The following MCUR1 variants were observed in gnomAD, a reference collection of about 807,000 sequenced individuals.
MCUR1 encodes mitochondrial calcium uniporter regulator 1, also known as MCU regulator 1.
Under a neutral mutation model 42.0 loss-of-function variants are expected in MCUR1, and 37 were observed. The ratio of observed to expected loss-of-function variants is 0.88; its 90% CI spans 0.68 to 1.16. The LOEUF (loss-of-function observed/expected upper bound fraction) is 1.16, where lower values mean the gene tolerates loss of function less well. Ranked by LOEUF, MCUR1 falls within the 50% of genes most tolerant of loss-of-function variation. The pLI, the probability that MCUR1 is intolerant of heterozygous loss-of-function variation, is 0.00. For synonymous variants in MCUR1, 229 were observed against 196.2 expected (o/e 1.17, Z -1.40); for missense variants, 469 against 468.4 (o/e 1.00, Z -0.01).
Position 13,814,135 on chromosome 6 carries a change from AC to A in MCUR1, c.294del (p.Tyr99MetfsTer42). 2 of 1,285,774 alleles carry A rather than the reference AC, an allele frequency of 1.6e-6. No individual in the cohort carries two copies. Among genetic ancestry groups the A allele is most frequent in the Non-Finnish European group, 2.0e-6 (2 of 1,021,932 alleles). 79.6% of individuals were successfully genotyped at this position (1,285,774 alleles called of 1,614,324 possible). ...QLGDWERSRL[G>X]YAAPPAGRSS... ...CTGCGCCCGGCCGGGGGTGCGGCATACCCGAGGCGCGAGCGCTCCCAGTCCC... is the reference window on the plus strand; with the variant it reads ...CTGCGCCCGGCCGGGGGTGCGGCATACCGAGGCGCGAGCGCTCCCAGTCCC... On this transcript the variant is annotated frameshift_variant, in exon 1 of 9. Transcript: ENST00000379170. LOFTEE classifies it high-confidence loss of function.
At chr6:13,809,368 A>G (rs1474205731) in intron 1 of MCUR1, among the ~76,000 whole-genome samples, 1 of 152,194 alleles carries the variant, frequency 6.6e-6, no homozygotes, top group Non-Finnish European at 1.5e-5. Context: ...ATCTTTAATC[A>G]TAAGAGATAT....
At chr6:13,809,855 G>C (rs1390701237) in intron 1 of MCUR1, among the ~76,000 whole-genome samples, 1 of 151,920 alleles carries the variant, frequency 6.6e-6, no homozygotes, top group East Asian at 1.9e-4. Flanking sequence ...AGTGAGCTAT[G>C]ATTGCACCAC....
At chr6:13,804,790 C>CAAAAAAAAAAAAAAAA (rs971958696) in intron 2 of MCUR1, among the ~76,000 whole-genome samples, 17 of 50,448 alleles carry the variant, frequency 3.4e-4, no homozygotes, top group African/African-American at 1.2e-3. Context: ...ACTCTGTCTC[C>CAAAAAAAAAAAAAAAA]AAAAAAAAAA....
At position 13,790,651 on chromosome 6, in the gene MCUR1, C is replaced by T; in HGVS notation, c.*158G>A. 1 of 463,086 alleles carries T rather than the reference C, an allele frequency of 2.2e-6. No individual in the cohort carries two copies. Among genetic ancestry groups the T allele is most frequent in the South Asian group, 2.2e-5 (1 of 45,794 alleles). 28.7% of individuals were successfully genotyped at this position (463,086 alleles called of 1,614,324 possible). ...ATTTTTTAGTAGAGACGGGGTTTCA[C>T]CGTGTTGGCCAGGCTGGTCTCGAAC... On this transcript the variant is annotated 3_prime_UTR_variant, in exon 9 of 9. Coordinates refer to ENST00000379170, the MANE Select transcript of MCUR1 (RefSeq NM_001031713.4).
At position 13,814,327 on chromosome 6, in the gene MCUR1, C is replaced by A; in HGVS notation, c.103G>T (p.Glu35Ter). The change falls in exon 1 of 9, where the codon GAA becomes TAA. Residue 35 changes from glutamate (E) to a stop codon, truncating the protein, a stop_gained. Transcript: ENST00000379170. LOFTEE classifies it high-confidence loss of function. The part of the protein sequence containing the change: ...VGLSGRPGGS[E>*]TSARRCLSAL... ...GAGAGGCAGCGGCGTGCTGAGGTTT[C>A]GCTGCCGCCCGGTCTTCCGCTGAGG... is the stretch of plus-strand genomic sequence containing the variant. 6.6e-7 allele frequency: 1 copy of A among 1,507,636 alleles called. No homozygotes were observed. The highest frequency in any genetic ancestry group is 1.2e-5 in the South Asian group (1 of 81,598). 93.4% of individuals were successfully genotyped at this position (1,507,636 alleles called of 1,614,324 possible). A position where few individuals can be genotyped will look rare whatever the true frequency, so the allele number is the denominator to read the frequency against.
chr6:13,800,409 TAGAA>T (rs1404876967), intron 4 of MCUR1, 27 bp from the exon 5 acceptor site: 7 of 1,291,458 alleles, frequency 5.4e-6, no homozygotes, highest in Middle Eastern at 1.8e-4. Flanking sequence ...AAAAAGTCAT[TAGAA>T]AGAACAACAT....
Position 13,793,918 on chromosome 6 carries a change from T to C in MCUR1, c.885A>G (p.Glu295=). 6.2e-7 allele frequency: 1 copy of C among 1,613,742 alleles called. No homozygotes were observed. Among genetic ancestry groups the C allele is most frequent in the Non-Finnish European group, 8.5e-7 (1 of 1,179,984 alleles). ...LYSLNEKKLL[E]LRTEIVALHA... is the part of the protein sequence containing the mutation. ...CCAATGCCACTATTTCTGTTCTCAA[T>C]TCCAGCAGCTTCTTTTCGTTCAATG... The change falls in exon 7 of 9, where the codon GAA becomes GAG. Residue 295 remains glutamate, a synonymous_variant. Transcript: ENST00000379170.
At chr6:13,805,192 A>G (rs1760089904) in intron 2 of MCUR1, among the ~76,000 whole-genome samples, 1 of 150,454 alleles carries the variant, frequency 6.6e-6, no homozygotes, top group African/African-American at 2.5e-5. Context: ...GGCTCTCACT[A>G]TGTTGCACAG....
chr6:13,802,803 T>C (rs1225906726), intron 2 of MCUR1, among the ~76,000 whole-genome samples: 1 of 152,248 alleles, frequency 6.6e-6, no homozygotes, highest in Non-Finnish European at 1.5e-5. Context: ...TTATAATGTG[T>C]ACATTATTAA....
intron 2 of MCUR1, among the ~76,000 whole-genome samples, chr6:13,804,643 A>G (rs1760076534): frequency 6.6e-6 from 1 of 151,796 alleles, no homozygotes; most frequent in Non-Finnish European, 1.5e-5. Flanking sequence ...GCGTTGTGGC[A>G]GGCGCCTGTA....
intron 4 of MCUR1, 72 bp downstream of exon 4, chr6:13,801,216 T>G: frequency 9.8e-7 from 1 of 1,020,004 alleles, no homozygotes; most frequent in East Asian, 2.4e-5. Flanking sequence ...ACGTGTGCTC[T>G]TTTATGTGTA....
chr6:13,796,994 A>G (rs540483317), intron 6 of MCUR1, among the ~76,000 whole-genome samples: 1 of 152,188 alleles, frequency 6.6e-6, no homozygotes, highest in Non-Finnish European at 1.5e-5. Flanking sequence ...ACACTAGGTG[A>G]TTTAATCTTT....
At chr6:13,809,762 T>C (rs1425753757) in intron 1 of MCUR1, among the ~76,000 whole-genome samples, 1 of 147,834 alleles carries the variant, frequency 6.8e-6, no homozygotes, top group Non-Finnish European at 1.5e-5. Context: ...AGTGTGGTGG[T>C]GTGTGCCTGT....
At chr6:13,811,960 C>A (rs549065590) in intron 1 of MCUR1, among the ~76,000 whole-genome samples, 1 of 152,208 alleles carries the variant, frequency 6.6e-6, no homozygotes, top group African/African-American at 2.4e-5. Context: ...GAAGGGCTGG[C>A]CACTTTCCAT....
At chr6:13,796,618 C>A (rs938354712) in intron 6 of MCUR1, among the ~76,000 whole-genome samples, 5 of 151,998 alleles carry the variant, frequency 3.3e-5, no homozygotes, top group Non-Finnish European at 7.4e-5. Context: ...AAGACTAAAA[C>A]TGTAATTGTG....
intron 6 of MCUR1, among the ~76,000 whole-genome samples, chr6:13,797,958 G>T (rs139458350): frequency 9.9e-5 from 15 of 151,940 alleles, no homozygotes; most frequent in African/African-American, 3.6e-4. Flanking sequence ...AGGAGACGGA[G>T]GTTGCAGTGG....
Position 13,787,059 on chromosome 6 carries a change from G to C in MCUR1, c.*3750C>G, listed in dbSNP as rs1320848876. The C allele has an allele frequency of 6.6e-6, 1 of 152,084 alleles. No homozygotes were observed. Among genetic ancestry groups the C allele is most frequent in the Non-Finnish European group, 1.5e-5 (1 of 68,014 alleles). The allele number at this position is 152,084 out of a possible 1,614,324, so 9.4% of individuals were successfully genotyped here. ...TATATACCATCTCTATATTTGTTTA[G>C]AATTTTGCAAAATTCTTAGAAGATT... On this transcript the variant is annotated 3_prime_UTR_variant, in exon 9 of 9. Transcript: ENST00000379170.
rs1464080551 is a variant in MCUR1 at position 13,788,892 on chromosome 6, G to A, written c.*1917C>T. The A allele has an allele frequency of 6.6e-6, 1 of 152,172 alleles. No individual in the cohort carries two copies. The highest frequency in any genetic ancestry group is 2.4e-5 in the African/African-American group (1 of 41,432). 9.4% of individuals were successfully genotyped at this position (152,172 alleles called of 1,614,324 possible). On this transcript the variant is annotated 3_prime_UTR_variant, in exon 9 of 9. Coordinates refer to ENST00000379170, the MANE Select transcript of MCUR1 (RefSeq NM_001031713.4). ...CACAAACATTCTCTAAAAGGGCAAT[G>A]ACTTATATTTTCCAAAGTTTAGACA...
At chr6:13,794,783 T>C (rs1378992108) in intron 6 of MCUR1, among the ~76,000 whole-genome samples, 1 of 152,170 alleles carries the variant, frequency 6.6e-6, no homozygotes, top group Non-Finnish European at 1.5e-5. Flanking sequence ...CCTGCACATG[T>C]TGGTTTTAAT....
Sources: gnomAD v4.1 joint callset for allele counts (sites outside exome capture counted in the v4.1 genomes callset) on GRCh38, gnomAD v4.1.1 for gene constraint, MANE v1.5 for transcripts, NCBI Gene and HGNC (gene_info 2026-07-23, HGNC 2026-07-21) for gene names.